Variants in STK36 observed in about 807,000 individuals in gnomAD.
The protein encoded by STK36 is serine/threonine kinase 36.
Under a neutral mutation model 142.2 loss-of-function variants are expected in STK36, and 116 were observed. That is an observed-to-expected ratio of 0.82 (90% CI 0.70 to 0.95). The LOEUF (loss-of-function observed/expected upper bound fraction) is 0.95, where lower values mean the gene tolerates loss of function less well. Ranked by LOEUF, STK36 falls within the 40% of genes least tolerant of loss-of-function variation. The pLI is 0.00. For synonymous variants in STK36, 619 were observed against 641.7 expected (o/e 0.96, Z 0.53); for missense variants, 1,422 against 1,617.2 (o/e 0.88, Z 2.07).
intron 2 of STK36, 139 bp from the exon 3 acceptor site, chr2:218,673,486 A>G (rs1265323854): frequency 4.9e-6 from 6 of 1,220,322 alleles, no homozygotes; most frequent in Non-Finnish European, 1.1e-6. Context: ...GAGAAAATGG[A>G]AGCGGGAGAC....
chr2:218,690,044 A>T (rs1379473713), intron 13 of STK36, 88 bp downstream of exon 13: 3 of 1,215,542 alleles, frequency 2.5e-6, no homozygotes, highest in African/African-American at 3.0e-5. Flanking sequence ...CAGGCCAAGT[A>T]TGAAGAAGCT....
intron 6 of STK36, among the ~76,000 whole-genome samples, chr2:218,677,679 C>G (rs1201041959): frequency 6.6e-6 from 1 of 152,144 alleles, no homozygotes; most frequent in Non-Finnish European, 1.5e-5. Flanking sequence ...ATGGTGAGAG[C>G]TGGTGGAGCT....
rs1337263048 is a variant in STK36, at chr2:218,676,122, A to G, written c.528A>G (p.Pro176=). Residue 176 remains proline (P), a synonymous_variant, in exon 6 of 27, where the codon CCA becomes CCG. Transcript: ENST00000295709. ...YMSPELVEER[P]YDHTADLWSV... is the part of the protein sequence containing the mutation. Reference sequence around the variant, plus strand: ...CTCCAGAGCTGGTGGAGGAGCGACCATACGACCACACAGCGGACCTCTGGT... The same window carrying G: ...CTCCAGAGCTGGTGGAGGAGCGACCGTACGACCACACAGCGGACCTCTGGT... 6.2e-7 allele frequency: 1 copy of G among 1,614,166 alleles called. No individual in the cohort carries two copies. Among genetic ancestry groups the G allele is most frequent in the Non-Finnish European group, 8.5e-7 (1 of 1,180,026 alleles).
Position 218,679,257 on chromosome 2 carries a change from C to T in STK36, c.774C>T (p.Val258=). ...LLYHPFIAGH[V]TIITEPAGPD... is the part of the protein sequence containing the mutation. ...ATCACCCCTTTATTGCTGGTCATGT[C>T]ACCAGTGAGTCATCAGGGTTCCCAG... The change falls in exon 7 of 27, where the codon GTC becomes GTT. Residue 258 remains valine (V), a synonymous_variant. Coordinates refer to ENST00000295709, the MANE Select transcript of STK36 (RefSeq NM_015690.5). The T allele has an allele frequency of 1.2e-6, 2 of 1,614,130 alleles. No individual in the cohort carries two copies. The highest frequency in any genetic ancestry group is 1.1e-5 in the South Asian group (1 of 91,078).
At position 218,679,177 on chromosome 2, in the gene STK36, CAGGG is replaced by C. The variant is rs748332392; in HGVS notation, c.696_699del (p.Gln232HisfsTer28). On this transcript the variant is annotated frameshift_variant, in exon 7 of 27. Transcript: ENST00000295709. LOFTEE classifies it high-confidence loss of function. The stretch of plus-strand genomic sequence containing the variant: ...TTTTTTCTCTCTGTAGAACTTCCTG[CAGGG>C]ACTGCTCACCAAAGACCCACGGCAG... 1.9e-6 allele frequency: 3 copies of C among 1,614,120 alleles called. No individual in the cohort carries two copies. The highest frequency in any genetic ancestry group is 2.5e-6 in the Non-Finnish European group (3 of 1,179,974).
At position 218,689,825 on chromosome 2, in the gene STK36, A is replaced by T. The variant is rs7603129; in HGVS notation, c.1561-34A>T. The T allele has an allele frequency of 2.1e-3, 3,393 of 1,578,922 alleles. 58 individuals carry two copies. The African/African-American group carries it at 0.04, about 19-fold the overall frequency. ...TCTATTCTTTGTTTCCATCCTTCAC[A>T]TTGCCCTTACTCTCTTCTCCTTTTC... On this transcript the variant is annotated intron_variant, in intron 12 of 26. Transcript: ENST00000295709.
rs746492432 is a variant in STK36 at position 218,693,737 on chromosome 2, C to T, written c.2163C>T (p.Cys721=). ...CLHLLKVLYS[C]CLVSEGLCRL... is the part of the protein sequence containing the mutation. ...TTCTCCCTCAGGTTCTATACTCCTG[C>T]TGCCTTGTCAGTGAGGGCCTGTGCC... Residue 721 remains cysteine (C), a synonymous_variant, in exon 18 of 27, where the codon TGC becomes TGT. Coordinates refer to ENST00000295709, the MANE Select transcript of STK36 (RefSeq NM_015690.5). The T allele has an allele frequency of 8.7e-6, 14 of 1,614,090 alleles. No individual in the cohort carries two copies. The Admixed American group carries it at 2.3e-4, about 27-fold the overall frequency.
chr2:218,701,963 A>C lies in STK36; in HGVS notation c.3902A>C (p.His1301Pro). The part of the protein sequence containing the change: ...HSSPRPASAK[H>P]CRKLIHLLRP... The stretch of plus-strand genomic sequence containing the variant: ...AGTCCTAGGCCTGCCTCTGCCAAAC[A>C]CTGCAGGAAACTCATTCACCTCCTG... The change falls in exon 27 of 27, where the codon CAC (histidine) becomes CCC (proline). Residue 1301 changes from histidine (H) to proline (P), a missense_variant. By Grantham distance (77) the His-to-Pro change is moderately conservative. This residue lies in a region of STK36 where 962 missense variants were observed against 1,167.5 expected (regional missense o/e 0.82). Coordinates refer to ENST00000295709, the MANE Select transcript of STK36 (RefSeq NM_015690.5). The C allele has an allele frequency of 6.8e-6, 11 of 1,613,984 alleles. No individual in the cohort carries two copies. The highest frequency in any genetic ancestry group is 1.6e-4 in the Middle Eastern group (1 of 6,062).
chr2:218,672,090 G>C lies in STK36; in HGVS notation c.-215G>C, dbSNP rs1940003877. 7 of 1,272,160 alleles carry C rather than the reference G, an allele frequency of 5.5e-6. No individual in the cohort carries two copies. The highest frequency in any genetic ancestry group is 2.5e-5 in the East Asian group (1 of 40,356). 78.8% of individuals were successfully genotyped at this position (1,272,160 alleles called of 1,614,324 possible). ...AACCGCAGACTCCGGGTCCTTAGCC[G>C]GGCCTGATGGCCCTGAGGCAGTTCG... On this transcript the variant is annotated 5_prime_UTR_variant, in exon 1 of 27. Transcript: ENST00000295709.
Position 218,694,136 on chromosome 2 carries a change from C to T in STK36, c.2337-128C>T, listed in dbSNP as rs1941126260. 8.6e-7 allele frequency: 1 copy of T among 1,157,336 alleles called. No individual in the cohort carries two copies. 71.7% of individuals were successfully genotyped at this position (1,157,336 alleles called of 1,614,324 possible). A position where few individuals can be genotyped will look rare whatever the true frequency, so the allele number is the denominator to read the frequency against. On this transcript the variant is annotated intron_variant, in intron 19 of 26. Coordinates refer to ENST00000295709, the MANE Select transcript of STK36 (RefSeq NM_015690.5). This position sits in a 1 kb window ranked among gnomAD's most constrained non-coding sequence, Gnocchi z 4.4. ...TCTCTACAAAGAACAGACCTAGACT[C>T]CCATCAACTTTGTGCCTTGGAGGTA...
intron 7 of STK36, 144 bp from the exon 8 acceptor site, chr2:218,679,416 C>A: frequency 7.8e-7 from 1 of 1,283,804 alleles, no homozygotes; most frequent in Non-Finnish European, 1.1e-6. Context: ...TTGCCACTTC[C>A]CTTACAACCC....
Position 218,701,957 on chromosome 2 carries a change from C to T in STK36, c.3896C>T (p.Ala1299Val), listed in dbSNP as rs774038889. 6.2e-7 allele frequency: 1 copy of T among 1,614,128 alleles called. No homozygotes were observed. The highest frequency in any genetic ancestry group is 1.7e-5 in the Admixed American group (1 of 60,008). ...LPHSSPRPASAKHCRKLIHLL... is the reference protein window; with the variant it reads ...LPHSSPRPASVKHCRKLIHLL... Reference sequence around the variant, plus strand: ...CACAGCAGTCCTAGGCCTGCCTCTGCCAAACACTGCAGGAAACTCATTCAC... The same window carrying T: ...CACAGCAGTCCTAGGCCTGCCTCTGTCAAACACTGCAGGAAACTCATTCAC... Residue 1299 changes from alanine to valine, a missense_variant, in exon 27 of 27, where the codon GCC becomes GTC. Physicochemically the swap from Ala to Val is moderately conservative, Grantham distance 64. Transcript: ENST00000295709.
chr2:218,679,465 A>G, intron 7 of STK36, 95 bp from the exon 8 acceptor site: 2 of 1,449,896 alleles, frequency 1.4e-6, no homozygotes, highest in Middle Eastern at 2.2e-4. Context: ...ATCTTCTTCC[A>G]CAGAAGCCTG....
intron 10 of STK36, among the ~76,000 whole-genome samples, chr2:218,683,497 A>G (rs1175830136): frequency 2.0e-5 from 3 of 151,484 alleles, no homozygotes; most frequent in Admixed American, 6.6e-5. Context: ...CTGGTCTCGA[A>G]CTCCTGACCT....
rs1941347837 is a variant in STK36 at position 218,699,073 on chromosome 2, G to A, written c.3529G>A (p.Gly1177Ser). The A allele has an allele frequency of 1.2e-6, 2 of 1,614,034 alleles. No homozygotes were observed. The highest frequency in any genetic ancestry group is 1.7e-6 in the Non-Finnish European group (2 of 1,180,016). ...GCGGTGCAGTGCCAGCTTTGCTGTG[G>A]GCAATGCAGCCTACCAGGCTGGTCC... ...VVRCSASFAV[G>S]NAAYQAGPLG... is the part of the protein sequence containing the mutation. Residue 1177 changes from glycine (G) to serine (S), a missense_variant, in exon 26 of 27, where the codon GGC becomes AGC. Coordinates refer to ENST00000295709, the MANE Select transcript of STK36 (RefSeq NM_015690.5).
chr2:218,702,207 A>C lies in STK36; in HGVS notation c.*198A>C. The C allele has an allele frequency of 1.7e-6, 1 of 594,024 alleles. No individual in the cohort carries two copies. The allele number at this position is 594,024 out of a possible 1,614,324, so 36.8% of individuals were successfully genotyped here. On this transcript the variant is annotated 3_prime_UTR_variant, in exon 27 of 27. Coordinates refer to ENST00000295709, the MANE Select transcript of STK36 (RefSeq NM_015690.5). The stretch of plus-strand genomic sequence containing the variant: ...CAGATGCAGGATGTTTTCAACCAGT[A>C]AATTTTATTGCTGTTGGTGCCAGAG...
At chr2:218,693,408 G>A (rs2106361812) in intron 17 of STK36, 64 bp downstream of exon 17, 1 of 1,482,058 alleles carries the variant, frequency 6.7e-7, no homozygotes, top group African/African-American at 1.5e-5. Flanking sequence ...CAGAGAAGCA[G>A]AGAAACAGAC....
chr2:218,699,993 G>A (rs1415002446), intron 26 of STK36, among the ~76,000 whole-genome samples: 2 of 151,360 alleles, frequency 1.3e-5, no homozygotes, highest in African/African-American at 2.4e-5. Context: ...GCATGATCTC[G>A]GCTCACCACA....
chr2:218,693,327 T>A lies in STK36; in HGVS notation c.2131T>A (p.Cys711Ser), dbSNP rs768560846. ...CTCTGGCCTGCAGCATCCCATCCTG[T>A]GCCTGCACCTTCTCAAGGTAATCCT... ...LISGLQHPIL[C>S]LHLLKVLYSC... is the part of the protein sequence containing the mutation. The change falls in exon 17 of 27, where the codon TGC becomes AGC. Residue 711 changes from cysteine (C) to serine (S), a missense_variant. Physicochemically the swap from Cys to Ser is moderately radical, Grantham distance 112. Transcript: ENST00000295709. 4 of 1,614,064 alleles carry A rather than the reference T, an allele frequency of 2.5e-6. No individual in the cohort carries two copies. The highest frequency in any genetic ancestry group is 3.4e-6 in the Non-Finnish European group (4 of 1,180,028).
Sources: gnomAD v4.1 joint callset for allele counts (sites outside exome capture counted in the v4.1 genomes callset) on GRCh38, gnomAD v4.1.1 for gene constraint, gnomAD v4.1.1 regional missense constraint, Gnocchi (gnomAD v3.1) non-coding constraint, MANE v1.5 for transcripts, NCBI Gene and HGNC (gene_info 2026-07-23, HGNC 2026-07-21) for gene names.